Variants in BMPR1B observed in about 807,000 individuals in gnomAD.
BMPR1B encodes the protein bone morphogenetic protein receptor type 1B.
Under a neutral mutation model 59.1 loss-of-function variants are expected in BMPR1B, and 12 were observed. The observed-to-expected ratio is 0.20, with a 90% CI of 0.13 to 0.33. BMPR1B has a LOEUF of 0.33. Among genes scored for constraint, BMPR1B ranks in the 10% least tolerant of loss-of-function variants. BMPR1B has a pLI of 1.00. For missense variants in BMPR1B, 550 were observed against 610.9 expected (o/e 0.90, Z 1.05); for synonymous variants, 237 against 207.3 (o/e 1.14, Z -1.23).
At chr4:94,934,630 G>A (rs1241133212) in intron 2 of BMPR1B, among the ~76,000 whole-genome samples, 1 of 151,992 alleles carries the variant, frequency 6.6e-6, no homozygotes, top group African/African-American at 2.4e-5. Flanking sequence ...CCTGGGAATT[G>A]CATACAATGG....
intron 2 of BMPR1B, among the ~76,000 whole-genome samples, chr4:94,885,639 A>G (rs1172671201): frequency 6.6e-6 from 1 of 152,182 alleles, no homozygotes; most frequent in African/African-American, 2.4e-5. Flanking sequence ...GTTTATATAG[A>G]AAAAGGACAT....
intron 3 of BMPR1B, among the ~76,000 whole-genome samples, chr4:95,029,487 C>T (rs933111100): frequency 2.0e-5 from 3 of 152,068 alleles, no homozygotes; most frequent in Non-Finnish European, 4.4e-5. Flanking sequence ...TTTCTTAATC[C>T]AGTCTATCAT....
At chr4:95,094,495 C>A (rs984072791) in intron 3 of BMPR1B, among the ~76,000 whole-genome samples, 8 of 151,872 alleles carry the variant, frequency 5.3e-5, no homozygotes, top group Non-Finnish European at 1.2e-4. Flanking sequence ...GAAGAGAAAA[C>A]TGAATAATAG....
intron 2 of BMPR1B, among the ~76,000 whole-genome samples, chr4:94,877,768 A>G (rs970855918): frequency 2.6e-5 from 4 of 152,310 alleles, no homozygotes; most frequent in Non-Finnish European, 4.4e-5. Context: ...ATCAACTATC[A>G]AATACATTGA....
chr4:94,939,028 TAAAAG>T (rs529571952), intron 2 of BMPR1B, among the ~76,000 whole-genome samples: 163 of 152,028 alleles, frequency 1.1e-3, no homozygotes, highest in African/African-American at 3.8e-3. Flanking sequence ...AATAAACAAA[TAAAAG>T]AAAAAAGATC....
At chr4:94,814,413 A>G (rs1723934104) in intron 1 of BMPR1B, among the ~76,000 whole-genome samples, 2 of 152,192 alleles carry the variant, frequency 1.3e-5, no homozygotes, top group Non-Finnish European at 2.9e-5. Flanking sequence ...CTTTTCAGTA[A>G]TAAGTTTCTG....
At chr4:94,869,495 T>G (rs765974007) in intron 1 of BMPR1B, among the ~76,000 whole-genome samples, 1 of 152,188 alleles carries the variant, frequency 6.6e-6, no homozygotes, top group African/African-American at 2.4e-5. Flanking sequence ...GTCTAAATGT[T>G]TATGCTATTC....
chr4:95,126,053 C>T (rs148251521), intron 8 of BMPR1B, among the ~76,000 whole-genome samples: 4 of 152,264 alleles, frequency 2.6e-5, no homozygotes, highest in African/African-American at 9.6e-5. Context: ...CAAGGCCTAC[C>T]TCATGTTTTA....
chr4:94,847,313 G>A (rs1725371724), intron 1 of BMPR1B, among the ~76,000 whole-genome samples: 1 of 152,038 alleles, frequency 6.6e-6, no homozygotes, highest in Admixed American at 6.6e-5. Context: ...TAGAGATATG[G>A]GAATCCTTGT....
intron 2 of BMPR1B, among the ~76,000 whole-genome samples, chr4:94,885,633 A>G (rs1312036471): frequency 6.6e-6 from 1 of 152,210 alleles, no homozygotes; most frequent in Non-Finnish European, 1.5e-5. Flanking sequence ...TGTTAAGTTT[A>G]TATAGAAAAA....
rs375536059 is a variant in BMPR1B, at chr4:94,873,745, T to C, written c.-182-2086T>C. Among the ~76,000 whole-genome samples, 9 of 152,322 alleles carry C rather than the reference T, an allele frequency of 5.9e-5. No homozygotes were observed. In the South Asian group the frequency reaches 1.0e-3, roughly 18 times the overall value. On this transcript the variant is annotated intron_variant, in intron 1 of 12. Coordinates refer to ENST00000515059, the MANE Select transcript of BMPR1B (RefSeq NM_001203.3). The stretch of plus-strand genomic sequence containing the variant: ...CTTACTTCTATCTTCCTGTGTGTTA[T>C]GTGTCTTATTGCGTTTAAAAAAATT...
chr4:95,124,942 C>A, intron 7 of BMPR1B, 41 bp from the exon 8 acceptor site: 1 of 1,578,314 alleles, frequency 6.3e-7, no homozygotes, highest in Non-Finnish European at 8.7e-7. Context: ...TCCATCATTG[C>A]ATTTCATTAT....
At chr4:95,140,234 G>A (rs187247726) in intron 10 of BMPR1B, among the ~76,000 whole-genome samples, 7 of 152,174 alleles carry the variant, frequency 4.6e-5, no homozygotes, top group East Asian at 3.9e-4. Flanking sequence ...TCAGATTTGC[G>A]TTTCTAGTGC....
intron 2 of BMPR1B, among the ~76,000 whole-genome samples, chr4:94,904,705 G>A (rs1727972646): frequency 6.6e-6 from 1 of 151,916 alleles, no homozygotes; most frequent in Admixed American, 6.6e-5. Context: ...AGTTCTCTGA[G>A]GTTTTAAAAT....
At chr4:94,781,858 C>G (rs1722602406) in intron 1 of BMPR1B, among the ~76,000 whole-genome samples, 1 of 152,074 alleles carries the variant, frequency 6.6e-6, no homozygotes, top group Non-Finnish European at 1.5e-5. Context: ...TTCTGTGTTA[C>G]CGGTTAACCT....
In BMPR1B at chr4:94,855,327, A is replaced by C. The variant is rs182913261; in HGVS notation, c.-182-20504A>C. Among the ~76,000 whole-genome samples the C allele has an allele frequency of 5.9e-5, 9 of 152,318 alleles. No homozygotes were observed. The East Asian group carries it at 1.7e-3, about 29-fold the overall frequency. ...ATTTGATAGAAAAGAAATCAGAGCC[A>C]TAGTGAGGTTAATTATCTTGCTCAA... On this transcript the variant is annotated intron_variant, in intron 1 of 12. Coordinates refer to ENST00000515059, the MANE Select transcript of BMPR1B (RefSeq NM_001203.3).
At chr4:94,771,492 A>G (rs543667626) in intron 1 of BMPR1B, among the ~76,000 whole-genome samples, 2 of 152,320 alleles carry the variant, frequency 1.3e-5, no homozygotes, top group South Asian at 4.1e-4. Context: ...AGGTGCTGAT[A>G]GAGCACAGAG....
intron 3 of BMPR1B, among the ~76,000 whole-genome samples, chr4:95,030,639 A>T (rs901285568): frequency 3.3e-5 from 5 of 152,118 alleles, no homozygotes; most frequent in African/African-American, 7.2e-5. Flanking sequence ...TCAGCCCAAA[A>T]TCTCCTTAAG....
chr4:94,847,815 G>A (rs1339081803), intron 1 of BMPR1B, among the ~76,000 whole-genome samples: 1 of 151,952 alleles, frequency 6.6e-6, no homozygotes, highest in African/African-American at 2.4e-5. Flanking sequence ...GATTGGGAGT[G>A]GCAAGTAAGG....
Sources: gnomAD v4.1 joint callset for allele counts (sites outside exome capture counted in the v4.1 genomes callset) on GRCh38, gnomAD v4.1.1 for gene constraint, MANE v1.5 for transcripts, NCBI Gene and HGNC (gene_info 2026-07-23, HGNC 2026-07-21) for gene names.